The following ANO4 variants were observed in gnomAD, a reference collection of about 807,000 sequenced individuals.
ANO4 encodes anoctamin-4.
ANO4 carries 69 observed loss-of-function variants against 141.9 expected under a neutral mutation model. The ratio of observed to expected loss-of-function variants is 0.49; its 90% CI spans 0.40 to 0.59. The LOEUF (loss-of-function observed/expected upper bound fraction) is 0.59, where lower values mean the gene tolerates loss of function less well. Ranked by LOEUF, ANO4 falls within the 20% of genes least tolerant of loss-of-function variation. The pLI is 0.00. For missense variants in ANO4, 894 were observed against 1,162.2 expected (o/e 0.77, Z 3.36); for synonymous variants, 350 against 394.3 (o/e 0.89, Z 1.33).
intron 3 of ANO4, among the ~76,000 whole-genome samples, chr12:100,761,795 A>G (rs938836371): frequency 3.3e-5 from 5 of 152,046 alleles, no homozygotes; most frequent in Admixed American, 6.6e-5. Flanking sequence ...AAGGAAAGCA[A>G]TCTCAGGCCT....
chr12:101,005,115 G>T (rs1244317224), intron 8 of ANO4, among the ~76,000 whole-genome samples: 4 of 152,188 alleles, frequency 2.6e-5, no homozygotes, highest in East Asian at 1.9e-4. Flanking sequence ...GGGAGCCATG[G>T]TTGAGTCACT....
At chr12:100,717,414 C>T (rs979884630), upstream of ANO4, 3 of 379,358 alleles carry the variant, frequency 7.9e-6, no homozygotes, top group Non-Finnish European at 1.4e-5. Context: ...AGCGCCCGGG[C>T]GCCGCTAGAG....
intron 3 of ANO4, among the ~76,000 whole-genome samples, chr12:100,745,951 G>C (rs1278692495): frequency 1.3e-5 from 2 of 152,348 alleles, no homozygotes; most frequent in East Asian, 3.9e-4. Context: ...ATTGTGGATA[G>C]ACTTTCAAGT....
At chr12:101,070,985 T>G (rs1176992462) in intron 14 of ANO4, among the ~76,000 whole-genome samples, 1 of 152,090 alleles carries the variant, frequency 6.6e-6, no homozygotes, top group South Asian at 2.1e-4. Flanking sequence ...CTCTCCACAG[T>G]TAAAATGGTT....
At chr12:100,852,115 T>A (rs760294597) in intron 1 of ANO4, among the ~76,000 whole-genome samples, 13 of 152,204 alleles carry the variant, frequency 8.5e-5, no homozygotes, top group Middle Eastern at 3.2e-3. Context: ...AGGATTACTT[T>A]AACTGCTTGA....
chr12:100,933,525 G>A (rs1300261005), intron 3 of ANO4, among the ~76,000 whole-genome samples: 7 of 152,184 alleles, frequency 4.6e-5, no homozygotes, highest in Admixed American at 4.6e-4. Context: ...ATCATTGATG[G>A]ACATTTGGGT....
intron 5 of ANO4, among the ~76,000 whole-genome samples, chr12:100,960,250 T>TCACA (rs975287926): frequency 1.4e-5 from 2 of 147,038 alleles, no homozygotes; most frequent in East Asian, 2.3e-4. Context: ...ACATACATAT[T>TCACA]CACACACACG....
rs530836959 is a variant in ANO4, at chr12:100,738,899, C to G, written c.107-955C>G. Among the ~76,000 whole-genome samples the G allele has an allele frequency of 7.9e-5, 12 of 151,580 alleles. No individual in the cohort carries two copies. The South Asian group carries it at 1.9e-3, about 24-fold the overall frequency. ...AGTTCTCATGCTGTATATTAAATCT[C>G]TAGACTTATTCATATTACATAACTT... On this transcript the variant is annotated intron_variant, in intron 2 of 29. Coordinates refer to the ANO4 transcript ENST00000644049.
intron 8 of ANO4, among the ~76,000 whole-genome samples, chr12:100,990,886 G>C (rs138343210): frequency 2.4e-4 from 37 of 152,276 alleles, no homozygotes; most frequent in African/African-American, 7.9e-4. Flanking sequence ...AAATAGGATG[G>C]AGTGTTTTGA....
At chr12:100,929,136 A>G (rs2041990837) in intron 3 of ANO4, among the ~76,000 whole-genome samples, 1 of 152,024 alleles carries the variant, frequency 6.6e-6, no homozygotes, top group African/African-American at 2.4e-5. Flanking sequence ...ATCCAATTAT[A>G]CTTTTAGTTT....
intron 5 of ANO4, among the ~76,000 whole-genome samples, chr12:100,956,444 T>C (rs1247273255): frequency 6.6e-6 from 1 of 152,214 alleles, no homozygotes; most frequent in Non-Finnish European, 1.5e-5. Flanking sequence ...TGATTTTCCT[T>C]GACCTTAGCA....
intron 8 of ANO4, among the ~76,000 whole-genome samples, chr12:101,010,301 T>C (rs1296301013): frequency 1.3e-5 from 2 of 152,212 alleles, no homozygotes; most frequent in Non-Finnish European, 2.9e-5. Context: ...CAAATGTTTC[T>C]TAATTTGTAT....
intron 4 of ANO4, among the ~76,000 whole-genome samples, chr12:100,941,028 T>A (rs1005181098): frequency 6.6e-6 from 1 of 152,194 alleles, no homozygotes; most frequent in Non-Finnish European, 1.5e-5. Context: ...ATGCTATTTT[T>A]CAAATTATAG....
chr12:100,915,728 T>C (rs1352519031), intron 2 of ANO4, among the ~76,000 whole-genome samples: 1 of 152,190 alleles, frequency 6.6e-6, no homozygotes, highest in East Asian at 1.9e-4. Context: ...ATTATTTATG[T>C]ATAATGTCTA....
At chr12:101,025,396 AAC>A (rs2046692484) in intron 9 of ANO4, among the ~76,000 whole-genome samples, 1 of 152,210 alleles carries the variant, frequency 6.6e-6, no homozygotes, top group Non-Finnish European at 1.5e-5. Flanking sequence ...GGAGTTGGGA[AAC>A]AAAGGCAGCG....
chr12:100,961,550 A>G (rs2043425593), intron 5 of ANO4, among the ~76,000 whole-genome samples: 1 of 152,262 alleles, frequency 6.6e-6, no homozygotes, highest in African/African-American at 2.4e-5. Flanking sequence ...TCATGGCACT[A>G]GCCGATAGAA....
intron 4 of ANO4, among the ~76,000 whole-genome samples, chr12:100,941,957 A>AAATATTATT (rs1395992540): frequency 2.1e-5 from 3 of 143,154 alleles, no homozygotes; most frequent in Non-Finnish European, 3.0e-5. Context: ...CAATGAAAAA[A>AAATATTATT]ATTATTATTA....
At chr12:100,720,787 G>T (rs751199943) in intron 1 of ANO4, among the ~76,000 whole-genome samples, 10 of 152,176 alleles carry the variant, frequency 6.6e-5, no homozygotes, top group Non-Finnish European at 1.0e-4. Context: ...GAAGTGTGGG[G>T]TGTGCCTGGG....
At chr12:101,057,289 A>G (rs1227492783) in intron 14 of ANO4, among the ~76,000 whole-genome samples, 1 of 152,132 alleles carries the variant, frequency 6.6e-6, no homozygotes, top group Non-Finnish European at 1.5e-5. Context: ...AGTCTTTGCT[A>G]TTGTGAATAG....
Sources: gnomAD v4.1 joint callset for allele counts (sites outside exome capture counted in the v4.1 genomes callset) on GRCh38, gnomAD v4.1.1 for gene constraint, MANE v1.5 for transcripts, NCBI Gene and HGNC (gene_info 2026-07-23, HGNC 2026-07-21) for gene names.